The following CPVL variants were observed in gnomAD, a reference collection of about 807,000 sequenced individuals.
CPVL encodes the protein carboxypeptidase vitellogenic like, also known as probable serine carboxypeptidase CPVL.
In CPVL, 51 loss-of-function variants were observed where a neutral mutation model predicts 63.7. The observed-to-expected ratio is 0.80, with a 90% confidence interval of 0.64 to 1.01. The LOEUF is 1.01. Among genes scored for constraint, CPVL ranks in the 50% least tolerant of loss-of-function variants. The pLI, the probability that CPVL is intolerant of heterozygous loss-of-function variation, is 0.00. For missense variants in CPVL, 530 were observed against 573.1 expected, an observed-to-expected ratio of 0.92 and a Z score of 0.77; for synonymous variants, 195 against 206.0, an observed-to-expected ratio of 0.95 and a Z score of 0.46.
upstream of CPVL, chr7:29,147,319 C>G (rs82141): frequency 0.38 from 87,674 of 233,614 alleles, 14,897 homozygotes; most frequent in South Asian, 0.47. Context: ...ATCTTCTGCA[C>G]TGTCCCGGGC....
intron 12 of CPVL, among the ~76,000 whole-genome samples, chr7:29,020,201 A>T (rs1484428763): frequency 6.6e-6 from 1 of 152,180 alleles, no homozygotes; most frequent in African/African-American, 2.4e-5. Flanking sequence ...GGTTCAGGGG[A>T]TATAAAATAA....
intron 6 of CPVL, among the ~76,000 whole-genome samples, chr7:29,091,415 C>T (rs748004422): frequency 1.4e-5 from 2 of 142,450 alleles, no homozygotes; most frequent in Non-Finnish European, 3.0e-5. Flanking sequence ...GAGGTGGGGG[C>T]GGGGAGTAGG....
At chr7:29,070,943 T>C (rs920997524) in intron 9 of CPVL, among the ~76,000 whole-genome samples, 7 of 152,330 alleles carry the variant, frequency 4.6e-5, no homozygotes, top group Admixed American at 2.0e-4. Context: ...ACATTAGATA[T>C]ACTGTTACAG....
At chr7:29,019,819 C>T (rs2529481) in intron 12 of CPVL, among the ~76,000 whole-genome samples, 21,569 of 152,242 alleles carry the variant, frequency 0.14, 1,590 homozygotes, top group Middle Eastern at 0.23. Flanking sequence ...CCCAAACCAA[C>T]GCTGAGGCAC....
At chr7:29,150,549 G>A (rs80052745), upstream of CPVL, among the ~76,000 whole-genome samples, 2 of 152,190 alleles carry the variant, frequency 1.3e-5, no homozygotes, top group Non-Finnish European at 2.9e-5. Flanking sequence ...AAGACACAGA[G>A]AATAGATCAT....
intron 1 of CPVL, among the ~76,000 whole-genome samples, chr7:29,189,087 A>T (rs1050030537): frequency 6.6e-6 from 1 of 151,800 alleles, no homozygotes; most frequent in Non-Finnish European, 1.5e-5. Flanking sequence ...AGTAGCTGAC[A>T]TTACAGGCGC....
intron 1 of CPVL, among the ~76,000 whole-genome samples, chr7:29,135,304 T>C (rs1050002026): frequency 2.6e-5 from 4 of 151,478 alleles, no homozygotes; most frequent in African/African-American, 9.7e-5. Flanking sequence ...TGGTATCACA[T>C]AAAAAGAATC....
rs549943404 is a variant in CPVL, at chr7:29,049,312, T to C, written c.1137+14749A>G. ...AAGAGAGAAAATCCAAATAACCTCA[T>C]TAAGAAACAAAACGGGAGACATTAC... is the stretch of plus-strand genomic sequence containing the variant. On this transcript the variant is annotated intron_variant, in intron 11 of 12. Transcript: ENST00000265394. 4.6e-5 allele frequency among the ~76,000 whole-genome samples: 7 copies of C among 152,004 alleles called. No individual in the cohort carries two copies. The East Asian group carries it at 1.4e-3, about 29-fold the overall frequency.
rs556819916 is a variant in CPVL, at chr7:29,185,018, T to C, written c.-261-470A>G. On this transcript the variant is annotated intron_variant, in intron 3 of 16. Coordinates refer to the CPVL transcript ENST00000409850. ...AAGTGCATTTGTCTGTGATACCCCC[T>C]CTTTCTGTCCAAGCTGAGGGTTTTA... Among the ~76,000 whole-genome samples, 30 of 152,308 alleles carry C rather than the reference T, an allele frequency of 2.0e-4. No individual in the cohort carries two copies. The South Asian group carries it at 3.3e-3, about 17-fold the overall frequency.
At chr7:29,018,150 AC>A (rs1166239911) in intron 12 of CPVL, among the ~76,000 whole-genome samples, 3 of 152,184 alleles carry the variant, frequency 2.0e-5, no homozygotes, top group African/African-American at 7.2e-5. Flanking sequence ...TAGAAGCTAC[AC>A]CCAGTAAGAT....
At position 29,187,765 on chromosome 7, in the gene CPVL, G is replaced by A. The variant is rs539693886; in HGVS notation, c.-447-1218C>T. 2.0e-5 allele frequency among the ~76,000 whole-genome samples: 3 copies of A among 152,098 alleles called. No individual in the cohort carries two copies. The South Asian group carries it at 6.2e-4, about 32-fold the overall frequency. Reference sequence around the variant, plus strand: ...ATAAAAAATAAAAAAAGATCCTGATGTATTGTCAACATCCACTCTCTCCCC... The same window carrying A: ...ATAAAAAATAAAAAAAGATCCTGATATATTGTCAACATCCACTCTCTCCCC... On this transcript the variant is annotated intron_variant, in intron 1 of 16. Coordinates refer to the CPVL transcript ENST00000409850.
Position 29,112,747 on chromosome 7 carries a change from T to C in CPVL, c.245A>G (p.Lys82Arg), listed in dbSNP as rs1390197509. ...GAAGAAGAGGTTGCTGTTGTAAGTC[T>C]TATTCACGGTGAGGAAGCCGGCATA... ...KSYAGFLTVN[K>R]TYNSNLFFWF... is the part of the protein sequence containing the mutation. The change falls in exon 3 of 13, where the codon AAG (lysine) becomes AGG (arginine). Residue 82 changes from lysine (K) to arginine (R), a missense_variant. Lys to Arg is a conservative substitution (Grantham distance 26). Transcript: ENST00000265394. 6 of 1,613,660 alleles carry C rather than the reference T, an allele frequency of 3.7e-6. No individual in the cohort carries two copies. Among genetic ancestry groups the C allele is most frequent in the Non-Finnish European group, 5.1e-6 (6 of 1,179,886 alleles).
intron 12 of CPVL, among the ~76,000 whole-genome samples, chr7:29,029,336 A>C (rs1214171253): frequency 1.3e-5 from 2 of 152,214 alleles, no homozygotes; most frequent in Admixed American, 6.5e-5. Context: ...CAGTATATTA[A>C]AGGAATATCT....
At chr7:29,034,261 C>T (rs1450053142) in intron 11 of CPVL, among the ~76,000 whole-genome samples, 1 of 152,104 alleles carries the variant, frequency 6.6e-6, no homozygotes, top group East Asian at 1.9e-4. Flanking sequence ...CATGCCACTA[C>T]ACCCAGCTAA....
rs561343777 is a variant in CPVL at position 29,001,847 on chromosome 7, T to C, written c.1321-5965A>G. Among the ~76,000 whole-genome samples, 15 of 152,324 alleles carry C rather than the reference T, an allele frequency of 9.8e-5. No individual in the cohort carries two copies. The East Asian group carries it at 2.5e-3, about 25-fold the overall frequency. On this transcript the variant is annotated intron_variant, in intron 12 of 12. Coordinates refer to ENST00000265394, the MANE Select transcript of CPVL (RefSeq NM_031311.5). ...TTCCTATGTACACCATCTTAATCAGTTGCAACAATACTGTTTGTAATTTAG... is the reference window on the plus strand; with the variant it reads ...TTCCTATGTACACCATCTTAATCAGCTGCAACAATACTGTTTGTAATTTAG...
upstream of CPVL, among the ~76,000 whole-genome samples, chr7:29,148,997 C>T (rs1394230294): frequency 6.6e-6 from 1 of 152,036 alleles, no homozygotes; most frequent in African/African-American, 2.4e-5. Flanking sequence ...AATGAGCAGG[C>T]CACCTGCACT....
chr7:29,003,693 A>C (rs1162421828), intron 12 of CPVL, among the ~76,000 whole-genome samples: 1 of 152,212 alleles, frequency 6.6e-6, no homozygotes, highest in South Asian at 2.1e-4. Flanking sequence ...AGCAGTCCCC[A>C]ACCTTTCTGA....
chr7:29,155,095 CCA>C (rs2128699081), intron 5 of CPVL, among the ~76,000 whole-genome samples: 1 of 152,176 alleles, frequency 6.6e-6, no homozygotes, highest in African/African-American at 2.4e-5. Context: ...GGACCTGCCC[CCA>C]TGATTCAATT....
chr7:28,999,248 T>C (rs1479287923), intron 12 of CPVL, among the ~76,000 whole-genome samples: 1 of 152,068 alleles, frequency 6.6e-6, no homozygotes, highest in Non-Finnish European at 1.5e-5. Flanking sequence ...GACTCTCAAA[T>C]TTGAACGTGC....
Sources: allele counts gnomAD v4.1 joint callset (sites outside exome capture counted in the v4.1 genomes callset), GRCh38; gene constraint gnomAD v4.1.1; transcripts MANE v1.5; gene names NCBI Gene and HGNC (gene_info 2026-07-23, HGNC 2026-07-21).